Variants in CABIN1 observed in about 807,000 individuals in gnomAD.
CABIN1 encodes the protein calcineurin-binding protein cabin-1.
Under a neutral mutation model 227.7 loss-of-function variants are expected in CABIN1, and 133 were observed. That is an observed-to-expected ratio of 0.58 (90% CI 0.51 to 0.67). The LOEUF (loss-of-function observed/expected upper bound fraction) is 0.67. CABIN1 is among the 30% of genes least tolerant of loss of function. CABIN1 has a pLI of 0.00. For missense variants in CABIN1, 2,408 were observed against 2,852.5 expected, an observed-to-expected ratio of 0.84 and a Z score of 3.55; for synonymous variants, 1,086 against 1,155.1, an observed-to-expected ratio of 0.94 and a Z score of 1.21.
At chr22:24,131,022 G>A (rs1348294149) in intron 28 of CABIN1, among the ~76,000 whole-genome samples, 1 of 152,200 alleles carries the variant, frequency 6.6e-6, no homozygotes, top group East Asian at 1.9e-4. Flanking sequence ...ACAAACCAGA[G>A]AGGAATGTCC....
chr22:24,066,964 C>A (rs2039726509), intron 15 of CABIN1, 23 bp from the exon 16 acceptor site: 1 of 1,613,276 alleles, frequency 6.2e-7, no homozygotes, highest in Non-Finnish European at 8.5e-7. Context: ...TACCCTCATA[C>A]AGCATTGCCG....
chr22:24,132,726 T>C (rs1047553620), intron 28 of CABIN1, among the ~76,000 whole-genome samples: 4 of 152,210 alleles, frequency 2.6e-5, no homozygotes, highest in African/African-American at 9.6e-5. Context: ...TAGCTGGGAT[T>C]AGAGGCGTGT....
Position 24,097,145 on chromosome 22 carries a change from A to G in CABIN1, c.3939-869A>G, listed in dbSNP as rs147396058. Reference sequence around the variant, plus strand: ...TTTAGTCACAAAGGGCCCCCAACATACAATGATACTTTCTTTCATTGGTTA... The same window carrying G: ...TTTAGTCACAAAGGGCCCCCAACATGCAATGATACTTTCTTTCATTGGTTA... On this transcript the variant is annotated intron_variant, in intron 25 of 36. Coordinates refer to ENST00000263119, the MANE Select transcript of CABIN1 (RefSeq NM_012295.4). Among the ~76,000 whole-genome samples, 379 of 152,326 alleles carry G rather than the reference A, an allele frequency of 2.5e-3. 5 individuals carry two copies. The South Asian group carries it at 0.033, about 13-fold the overall frequency.
chr22:24,025,440 A>G (rs575598791), intron 1 of CABIN1, among the ~76,000 whole-genome samples: 45 of 152,328 alleles, frequency 3.0e-4, no homozygotes, highest in African/African-American at 1.0e-3. Context: ...TACCAGTTCT[A>G]CAGGGATCTG....
rs752685256 is a variant in CABIN1, at chr22:24,047,200, C to G, written c.527-1891C>G. 8.6e-5 allele frequency among the ~76,000 whole-genome samples: 13 copies of G among 152,020 alleles called. No homozygotes were observed. The South Asian group carries it at 1.7e-3, about 19-fold the overall frequency. On this transcript the variant is annotated intron_variant, in intron 6 of 36. Transcript: ENST00000263119. ...AACTGATACATACACCTGTGAGAGC[C>G]CTGATAGATTTGACAGTCATTTAAA...
intron 1 of CABIN1, among the ~76,000 whole-genome samples, chr22:24,022,406 C>T (rs1281641820): frequency 5.3e-5 from 8 of 152,172 alleles, no homozygotes; most frequent in Admixed American, 5.2e-4. Context: ...TAGCATAATG[C>T]CTTTGAAATT....
At chr22:24,139,228 T>C (rs991650094) in intron 29 of CABIN1, among the ~76,000 whole-genome samples, 35 of 152,204 alleles carry the variant, frequency 2.3e-4, no homozygotes, top group African/African-American at 6.3e-4. Context: ...CAAGCTGTTA[T>C]CTTTTTCTGG....
intron 29 of CABIN1, among the ~76,000 whole-genome samples, chr22:24,140,682 G>GT (rs2044701977): frequency 6.6e-6 from 1 of 152,230 alleles, no homozygotes; most frequent in South Asian, 2.1e-4. Flanking sequence ...AGCAGGCAGG[G>GT]TTTTTTCTTG....
At position 24,087,563 on chromosome 22, in the gene CABIN1, C is replaced by T; in HGVS notation, c.3375C>T (p.Val1125=). The T allele has an allele frequency of 6.2e-7, 1 of 1,614,254 alleles. No homozygotes were observed. The highest frequency in any genetic ancestry group is 1.1e-5 in the South Asian group (1 of 91,086). Residue 1125 remains valine, a synonymous_variant, in exon 23 of 37, where the codon GTC becomes GTT. Coordinates refer to ENST00000263119, the MANE Select transcript of CABIN1 (RefSeq NM_012295.4). The stretch of plus-strand genomic sequence containing the variant: ...CCATTTGGAAGCATGCCACGCCCGT[C>T]TTGAACTGCTTCCGTCGGGCCCTGG... ...DGPIWKHATP[V]LNCFRRALEI...
intron 25 of CABIN1, among the ~76,000 whole-genome samples, chr22:24,097,054 C>T (rs1272196431): frequency 6.6e-6 from 1 of 152,236 alleles, no homozygotes. Flanking sequence ...GGGAGGTTCA[C>T]GTCCATGCAT....
chr22:24,154,015 C>A (rs1030201032), intron 29 of CABIN1, among the ~76,000 whole-genome samples: 1 of 152,156 alleles, frequency 6.6e-6, no homozygotes, highest in Non-Finnish European at 1.5e-5. Flanking sequence ...GAGCACCTAT[C>A]CACTCTACTC....
intron 17 of CABIN1, among the ~76,000 whole-genome samples, chr22:24,071,390 C>T (rs2040074058): frequency 6.6e-6 from 1 of 152,180 alleles, no homozygotes; most frequent in Non-Finnish European, 1.5e-5. Context: ...GGGATGGCTC[C>T]AGCATCCCAC....
chr22:24,076,684 A>G (rs1327285389), intron 19 of CABIN1, among the ~76,000 whole-genome samples: 1 of 152,166 alleles, frequency 6.6e-6, no homozygotes. Flanking sequence ...CATTACTCAC[A>G]ATGCCAAGTA....
At chr22:24,156,054 A>G in intron 29 of CABIN1, 1 of 445,354 alleles carries the variant, frequency 2.2e-6, no homozygotes, top group Non-Finnish European at 4.0e-6. Flanking sequence ...TCCACTGCAC[A>G]GATGCCACGG....
At chr22:24,030,041 A>G (rs183540585) in intron 1 of CABIN1, among the ~76,000 whole-genome samples, 4 of 152,310 alleles carry the variant, frequency 2.6e-5, no homozygotes, top group Admixed American at 2.0e-4. Context: ...TTGGGCATTG[A>G]ATAGCTTTTT....
chr22:24,072,238 G>A (rs373920122), intron 17 of CABIN1, 116 bp from the exon 18 acceptor site: 4 of 992,518 alleles, frequency 4.0e-6, no homozygotes, highest in African/African-American at 1.6e-5. Context: ...TCTGAGCAGT[G>A]GGGGTGGGCA....
intron 9 of CABIN1, 132 bp from the exon 10 acceptor site, chr22:24,056,060 A>T: frequency 1.3e-6 from 1 of 766,736 alleles, no homozygotes; most frequent in African/African-American, 1.8e-5. Context: ...TGAAGAAGAG[A>T]TGGAAGATTT....
chr22:24,043,632 A>C (rs2037612772), intron 6 of CABIN1, among the ~76,000 whole-genome samples: 1 of 152,102 alleles, frequency 6.6e-6, no homozygotes, highest in South Asian at 2.1e-4. Context: ...CGTGACTGTC[A>C]TCCCAGCTAC....
intron 15 of CABIN1, among the ~76,000 whole-genome samples, chr22:24,065,818 A>C (rs1372992421): frequency 6.6e-6 from 1 of 152,248 alleles, no homozygotes; most frequent in Non-Finnish European, 1.5e-5. Flanking sequence ...CCCGGCCAAC[A>C]CAGCGAAACC....
Sources: gnomAD v4.1 joint callset for allele counts (sites outside exome capture counted in the v4.1 genomes callset) on GRCh38, gnomAD v4.1.1 for gene constraint, MANE v1.5 for transcripts, NCBI Gene and HGNC (gene_info 2026-07-23, HGNC 2026-07-21) for gene names.